Variants in CRYM observed in about 807,000 individuals in gnomAD.
CRYM encodes ketimine reductase mu-crystallin.
CRYM carries 18 observed loss-of-function variants against 32.9 expected under a neutral mutation model. The ratio of observed to expected loss-of-function variants is 0.55; its 90% CI spans 0.38 to 0.81. CRYM has a LOEUF of 0.81. Among genes scored for constraint, CRYM ranks in the 30% least tolerant of loss-of-function variants. The pLI is 0.00. For missense variants in CRYM, 337 were observed against 393.5 expected (o/e 0.86, Z 1.21); for synonymous variants, 153 against 152.4 (o/e 1.00, Z -0.03).
At chr16:21,276,679 T>TG (rs1208889700) in intron 2 of CRYM, among the ~76,000 whole-genome samples, 1 of 152,228 alleles carries the variant, frequency 6.6e-6, no homozygotes, top group Non-Finnish European at 1.5e-5. Flanking sequence ...GTCTCCTTCT[T>TG]GGCACATAAG....
At chr16:21,283,178 GC>G (rs2093401209), upstream of CRYM, among the ~76,000 whole-genome samples, 1 of 152,082 alleles carries the variant, frequency 6.6e-6, no homozygotes, top group Non-Finnish European at 1.5e-5. Flanking sequence ...CTAGACTTCT[GC>G]CACTACCACA....
chr16:21,280,686 A>G (rs1481047796), upstream of CRYM, among the ~76,000 whole-genome samples: 1 of 152,248 alleles, frequency 6.6e-6, no homozygotes, highest in Admixed American at 6.5e-5. Flanking sequence ...GCACCCTTAC[A>G]CTTAAAGAAA....
chr16:21,281,109 A>ACT (rs34104117), upstream of CRYM, among the ~76,000 whole-genome samples: 3,499 of 127,290 alleles, frequency 0.027, 52 homozygotes, highest in African/African-American at 0.061. Flanking sequence ...TCTCTCTCTC[A>ACT]CTCTCTCTCT....
intron 3 of CRYM, among the ~76,000 whole-genome samples, chr16:21,275,141 C>T (rs1000686635): frequency 2.6e-5 from 4 of 152,290 alleles, no homozygotes; most frequent in Admixed American, 1.3e-4. Context: ...CAATGTGGTA[C>T]AGGGACAAGA....
intron 3 of CRYM, among the ~76,000 whole-genome samples, chr16:21,271,872 T>G (rs972872048): frequency 1.3e-5 from 2 of 152,136 alleles, no homozygotes; most frequent in African/African-American, 4.8e-5. Context: ...AATTTTTTTT[T>G]TTTTCCGAGA....
At chr16:21,264,185 T>C (rs986711013) in intron 5 of CRYM, among the ~76,000 whole-genome samples, 8 of 152,342 alleles carry the variant, frequency 5.3e-5, no homozygotes, top group Non-Finnish European at 7.3e-5. Flanking sequence ...TGTGTAAAAA[T>C]GTCCATCTTG....
intron 6 of CRYM, chr16:21,261,548 AC>A: frequency 1.7e-6 from 1 of 599,938 alleles, no homozygotes; most frequent in Non-Finnish European, 2.9e-6. Context: ...CTTTTGTGAT[AC>A]CATAAACACA....
intron 1 of CRYM, among the ~76,000 whole-genome samples, chr16:21,290,204 A>C (rs1289412646): frequency 1.3e-5 from 2 of 152,152 alleles, no homozygotes; most frequent in Non-Finnish European, 2.9e-5. Context: ...GTTCACAATA[A>C]GTCTTGCTGC....
intron 1 of CRYM, among the ~76,000 whole-genome samples, chr16:21,288,943 C>T (rs927572796): frequency 1.3e-5 from 2 of 152,010 alleles, no homozygotes; most frequent in African/African-American, 4.8e-5. Context: ...CCATTGCAGT[C>T]ATAATAAGAT....
intron 1 of CRYM, among the ~76,000 whole-genome samples, chr16:21,285,372 A>G (rs973276926): frequency 1.3e-5 from 2 of 152,326 alleles, no homozygotes; most frequent in East Asian, 3.9e-4. Flanking sequence ...TATCTGTAAT[A>G]CCTGTATGAA....
chr16:21,270,969 T>G (rs535249267), intron 3 of CRYM, among the ~76,000 whole-genome samples: 1 of 152,344 alleles, frequency 6.6e-6, no homozygotes, highest in Admixed American at 6.5e-5. Context: ...ACTTATTTGT[T>G]TGTAGATTTT....
chr16:21,272,060 G>A (rs1369990336), intron 3 of CRYM, among the ~76,000 whole-genome samples: 3 of 147,642 alleles, frequency 2.0e-5, no homozygotes, highest in Non-Finnish European at 1.5e-5. Flanking sequence ...ATGGGGTTTC[G>A]CCATGTTGGC....
At chr16:21,266,857 A>T (rs2093364672) in intron 5 of CRYM, among the ~76,000 whole-genome samples, 1 of 151,814 alleles carries the variant, frequency 6.6e-6, no homozygotes, top group East Asian at 2.0e-4. Context: ...ATTACAAAAA[A>T]TTAGCTGGGC....
chr16:21,302,875 G>C (rs1049309934), intron 1 of CRYM: 5 of 152,242 alleles, frequency 3.3e-5, no homozygotes, highest in Admixed American at 1.3e-4. Flanking sequence ...ACAGTGAAAA[G>C]CTTTCTAAAG....
At chr16:21,269,271 C>G (rs1396631320) in intron 4 of CRYM, among the ~76,000 whole-genome samples, 2 of 151,928 alleles carry the variant, frequency 1.3e-5, no homozygotes, top group Non-Finnish European at 2.9e-5. Flanking sequence ...ACTGCTCCAT[C>G]CCTTTCATAC....
rs148786513 is a variant in CRYM at position 21,287,173 on chromosome 16, A to G, written c.-192-8213T>C. ...ATGTCAAATACTAAAGGCTTAAAAC[A>G]CTTCATCAAAATAGAATCACTGGTC... is the stretch of plus-strand genomic sequence containing the variant. On this transcript the variant is annotated intron_variant, in intron 1 of 9. Coordinates refer to the CRYM transcript ENST00000219599. 4.8e-4 allele frequency among the ~76,000 whole-genome samples: 73 copies of G among 152,324 alleles called. No homozygotes were observed. In the East Asian group the frequency reaches 0.011, roughly 23 times the overall value.
chr16:21,284,694 T>C (rs894364397), intron 1 of CRYM, among the ~76,000 whole-genome samples: 8 of 152,246 alleles, frequency 5.3e-5, no homozygotes, highest in Non-Finnish European at 1.0e-4. Flanking sequence ...GATAGGCACC[T>C]AGGTTGATTC....
At chr16:21,293,183 A>G (rs941145093) in intron 1 of CRYM, among the ~76,000 whole-genome samples, 2 of 152,216 alleles carry the variant, frequency 1.3e-5, no homozygotes, top group East Asian at 1.9e-4. Context: ...CCTAACCTGT[A>G]AAAGCTTGTG....
At chr16:21,284,431 T>C (rs1004242582) in intron 1 of CRYM, among the ~76,000 whole-genome samples, 3 of 152,210 alleles carry the variant, frequency 2.0e-5, no homozygotes, top group Admixed American at 1.3e-4. Flanking sequence ...TAATCCCATT[T>C]TCATCACCCC....
Sources: gnomAD v4.1 joint callset for allele counts (sites outside exome capture counted in the v4.1 genomes callset) on GRCh38, gnomAD v4.1.1 for gene constraint, MANE v1.5 for transcripts, NCBI Gene and HGNC (gene_info 2026-07-23, HGNC 2026-07-21) for gene names.